The following FAM174A variants were observed in gnomAD, a reference collection of about 807,000 sequenced individuals.
The protein encoded by FAM174A is membrane protein FAM174A.
Under a neutral mutation model 14.3 loss-of-function variants are expected in FAM174A, and 14 were observed. That is an observed-to-expected ratio of 0.98 (90% CI 0.65 to 1.53). The LOEUF (loss-of-function observed/expected upper bound fraction) is 1.53, where lower values mean the gene tolerates loss of function less well. FAM174A is among the 40% of genes most tolerant of loss of function. FAM174A has a pLI of 0.00. For synonymous variants in FAM174A, 108 were observed against 111.4 expected (o/e 0.97, Z 0.19); for missense variants, 241 against 249.6 (o/e 0.97, Z 0.23).
chr5:100,551,087 T>G (rs1746253546), intron 1 of FAM174A, among the ~76,000 whole-genome samples: 1 of 152,076 alleles, frequency 6.6e-6, no homozygotes, highest in South Asian at 2.1e-4. Context: ...GATAGTGAAT[T>G]AGGAAGCTAT....
chr5:100,546,358 A>G (rs1746163802), intron 1 of FAM174A, among the ~76,000 whole-genome samples: 1 of 152,088 alleles, frequency 6.6e-6, no homozygotes. Flanking sequence ...TGAGCCTACT[A>G]TGGGAAGTGA....
At chr5:100,584,696 TA>T (rs1214978207) in intron 2 of FAM174A, among the ~76,000 whole-genome samples, 10 of 152,158 alleles carry the variant, frequency 6.6e-5, no homozygotes, top group Non-Finnish European at 1.2e-4. Context: ...CAATATGAGA[TA>T]AAAAAGTTAT....
At chr5:100,554,987 T>G (rs1746343136) in intron 1 of FAM174A, among the ~76,000 whole-genome samples, 1 of 152,124 alleles carries the variant, frequency 6.6e-6, no homozygotes, top group Admixed American at 6.6e-5. Flanking sequence ...TGCAGGTTTG[T>G]TACATATGTA....
chr5:100,581,748 A>G (rs908185632), intron 2 of FAM174A, among the ~76,000 whole-genome samples: 1 of 152,212 alleles, frequency 6.6e-6, no homozygotes, highest in Admixed American at 6.5e-5. Context: ...CAGCATGAAA[A>G]CATCCAGAAT....
chr5:100,540,859 T>C (rs1267495641), intron 1 of FAM174A, among the ~76,000 whole-genome samples: 1 of 152,168 alleles, frequency 6.6e-6, no homozygotes. Flanking sequence ...AGAGCAATGC[T>C]TGCTCATGTA....
At chr5:100,566,212 GA>G (rs1746649546) in intron 2 of FAM174A, among the ~76,000 whole-genome samples, 1 of 127,924 alleles carries the variant, frequency 7.8e-6, no homozygotes, top group Non-Finnish European at 1.6e-5. Context: ...ATATACTATT[GA>G]ATATTATTCA....
intron 1 of FAM174A, among the ~76,000 whole-genome samples, chr5:100,549,323 T>G (rs905867051): frequency 6.6e-6 from 1 of 152,038 alleles, no homozygotes; most frequent in Non-Finnish European, 1.5e-5. Context: ...GAGCCTTAGG[T>G]CCTAAAAGGG....
At chr5:100,559,410 T>C (rs1297232805) in intron 1 of FAM174A, among the ~76,000 whole-genome samples, 1 of 152,118 alleles carries the variant, frequency 6.6e-6, no homozygotes, top group Non-Finnish European at 1.5e-5. Context: ...CTGGCAGTTA[T>C]GTGTCTTGGA....
At chr5:100,578,871 G>A (rs1254276195) in intron 2 of FAM174A, among the ~76,000 whole-genome samples, 1 of 151,168 alleles carries the variant, frequency 6.6e-6, no homozygotes, top group African/African-American at 2.4e-5. Context: ...ATAGCCCAAT[G>A]TGTTGCATAC....
intron 2 of FAM174A, among the ~76,000 whole-genome samples, chr5:100,584,075 A>G (rs1032265374): frequency 2.0e-5 from 3 of 152,200 alleles, no homozygotes; most frequent in Admixed American, 6.5e-5. Context: ...CTAGCAATGT[A>G]CTTCTGGACT....
At chr5:100,548,475 T>C (rs779975970) in intron 1 of FAM174A, among the ~76,000 whole-genome samples, 26 of 152,128 alleles carry the variant, frequency 1.7e-4, no homozygotes, top group Non-Finnish European at 2.5e-4. Flanking sequence ...TAGTTTGGTA[T>C]AATGTGAGAT....
intron 2 of FAM174A, among the ~76,000 whole-genome samples, chr5:100,571,755 G>T (rs1331397402): frequency 2.7e-5 from 4 of 150,162 alleles, no homozygotes; most frequent in African/African-American, 9.8e-5. Flanking sequence ...GTTGAGAAAT[G>T]TGGCATCTTT....
intron 2 of FAM174A, among the ~76,000 whole-genome samples, chr5:100,572,758 T>A (rs1220135853): frequency 6.6e-6 from 1 of 152,176 alleles, no homozygotes; most frequent in African/African-American, 2.4e-5. Context: ...GTCCTTTGGG[T>A]ATATACCCAG....
intron 2 of FAM174A, among the ~76,000 whole-genome samples, chr5:100,579,511 C>G (rs550736754): frequency 6.6e-6 from 1 of 151,968 alleles, no homozygotes; most frequent in Non-Finnish European, 1.5e-5. Context: ...TGCAGCCTCC[C>G]GCTTCCAGGT....
At chr5:100,539,053 G>A (rs26034) in intron 1 of FAM174A, among the ~76,000 whole-genome samples, 85,938 of 151,898 alleles carry the variant, frequency 0.57, 26,686 homozygotes, top group African/African-American at 0.81. Flanking sequence ...GAAGGAAATC[G>A]ATGCTTAAAA....
chr5:100,536,648 G>C (rs868266207), intron 1 of FAM174A, among the ~76,000 whole-genome samples: 4 of 152,182 alleles, frequency 2.6e-5, no homozygotes, highest in African/African-American at 4.8e-5. Context: ...CCAGCAAAGA[G>C]ATAAGGTGAG....
At chr5:100,563,952 T>A (rs1421215833) in intron 2 of FAM174A, among the ~76,000 whole-genome samples, 1 of 151,812 alleles carries the variant, frequency 6.6e-6, no homozygotes, top group Non-Finnish European at 1.5e-5. Context: ...TGGTCAGAGA[T>A]GTTTGGGTCA....
chr5:100,550,017 A>T (rs1746233364), intron 1 of FAM174A, among the ~76,000 whole-genome samples: 1 of 152,132 alleles, frequency 6.6e-6, no homozygotes, highest in African/African-American at 2.4e-5. Flanking sequence ...TAGTACAAAA[A>T]GCCAGTTTGG....
At chr5:100,560,889 G>T (rs1241094997) in intron 1 of FAM174A, among the ~76,000 whole-genome samples, 1 of 151,998 alleles carries the variant, frequency 6.6e-6, no homozygotes, top group Non-Finnish European at 1.5e-5. Flanking sequence ...TGTTGCATTG[G>T]AGATGACTTA....
Sources: allele counts gnomAD v4.1 joint callset (sites outside exome capture counted in the v4.1 genomes callset), GRCh38; gene constraint gnomAD v4.1.1; transcripts MANE v1.5; gene names NCBI Gene and HGNC (gene_info 2026-07-23, HGNC 2026-07-21).